The following PCDHA10 variants were observed in gnomAD, a reference collection of about 807,000 sequenced individuals.
The protein encoded by PCDHA10 is protocadherin alpha-10.
A neutral mutation model predicts 61.2 loss-of-function variants in PCDHA10; 45 were observed. The observed-to-expected ratio is 0.74, with a 90% CI of 0.58 to 0.94. The LOEUF (loss-of-function observed/expected upper bound fraction) is 0.94. PCDHA10 is among the 40% of genes least tolerant of loss of function. PCDHA10 has a pLI of 0.00. For missense variants in PCDHA10, 1,278 were observed against 1,236.2 expected, an observed-to-expected ratio of 1.03 and a Z score of -0.51; for synonymous variants, 602 against 548.8, an observed-to-expected ratio of 1.10 and a Z score of -1.35.
chr5:140,861,875 G>A (rs536316247), intron 1 of PCDHA10: 3 of 156,086 alleles, frequency 1.9e-5, no homozygotes, highest in African/African-American at 7.2e-5. Context: ...TGGGGGCGAA[G>A]CTGAGCTGAC....
rs1412430465 is a variant in PCDHA10 at position 141,010,516 on chromosome 5, A to C, written c.*579A>C. On this transcript the variant is annotated 3_prime_UTR_variant, in exon 4 of 4. Transcript: ENST00000307360. ...CCAGACTTTCTAAATCTTACAACTC[A>C]AGAGGTGGCAGCCACCCTCTAGGAG... 4.2e-6 allele frequency: 2 copies of C among 477,698 alleles called. No individual in the cohort carries two copies. The highest frequency in any genetic ancestry group is 7.8e-5 in the Admixed American group (2 of 25,754). The allele number at this position is 477,698 out of a possible 1,614,324, so 29.6% of individuals were successfully genotyped here.
At chr5:140,901,469 G>A (rs1056054450) in intron 1 of PCDHA10, among the ~76,000 whole-genome samples, 1 of 152,080 alleles carries the variant, frequency 6.6e-6, no homozygotes, top group African/African-American at 2.4e-5. Flanking sequence ...CTTTTCTCGA[G>A]TTTATGTTCT....
At chr5:140,936,681 T>G (rs781812048) in intron 1 of PCDHA10, among the ~76,000 whole-genome samples, 3 of 152,246 alleles carry the variant, frequency 2.0e-5, no homozygotes, top group African/African-American at 2.4e-5. Flanking sequence ...CTATTCTGTT[T>G]CATTGGTCAA....
intron 1 of PCDHA10, chr5:140,884,703 A>C: frequency 1.3e-6 from 2 of 1,495,534 alleles, no homozygotes; most frequent in Non-Finnish European, 1.8e-6. Flanking sequence ...TAAACACTTT[A>C]GCCTTCCTTG....
chr5:140,979,391 T>C (rs1298274291), intron 2 of PCDHA10, among the ~76,000 whole-genome samples: 1 of 152,202 alleles, frequency 6.6e-6, no homozygotes, highest in Non-Finnish European at 1.5e-5. Context: ...AATGTATACA[T>C]ACATGTTGTC....
chr5:140,935,921 C>G (rs1480748257), intron 1 of PCDHA10, among the ~76,000 whole-genome samples: 2 of 129,532 alleles, frequency 1.5e-5, no homozygotes, highest in African/African-American at 5.8e-5. Context: ...GAGACAGATT[C>G]TCATTCTGTT....
At chr5:140,901,930 C>G (rs902948893) in intron 1 of PCDHA10, among the ~76,000 whole-genome samples, 2 of 151,400 alleles carry the variant, frequency 1.3e-5, no homozygotes, top group Admixed American at 1.3e-4. Flanking sequence ...TTGGTTAATT[C>G]CTAGGTATAT....
chr5:141,010,188 T>G lies in PCDHA10; in HGVS notation c.*251T>G. 6.4e-7 allele frequency: 1 copy of G among 1,553,070 alleles called. No individual in the cohort carries two copies. On this transcript the variant is annotated 3_prime_UTR_variant, in exon 4 of 4. Coordinates refer to ENST00000307360, the MANE Select transcript of PCDHA10 (RefSeq NM_018901.4). ...CAGAACCTAAAAAGCAGACCCAAGT[T>G]TCCTTTCTCCTCCGCCGCAAAGGAG...
chr5:140,968,035 G>A, intron 1 of PCDHA10: 1 of 1,614,184 alleles, frequency 6.2e-7, no homozygotes, highest in South Asian at 1.1e-5. Flanking sequence ...CACTGGTGGT[G>A]AGCGGCCCAC....
At chr5:140,869,598 T>A in intron 1 of PCDHA10, 6 of 1,614,122 alleles carry the variant, frequency 3.7e-6, no homozygotes, top group Non-Finnish European at 5.1e-6. Context: ...TTGAAGAGAA[T>A]GCTCTATTGA....
chr5:140,856,597 C>CA lies in PCDHA10; in HGVS notation c.555dup (p.Asp186ArgfsTer17). ...AGTATTTTGTTCTTGATATTATAAA[C>CA]AAAAAAGACAAAGACAAATTCCCAG... On this transcript the variant is annotated frameshift_variant, in exon 1 of 4. Transcript: ENST00000307360. LOFTEE classifies it high-confidence loss of function. 2 of 1,597,412 alleles carry CA rather than the reference C, an allele frequency of 1.3e-6. No homozygotes were observed. The highest frequency in any genetic ancestry group is 1.7e-6 in the Non-Finnish European group (2 of 1,167,126).
intron 1 of PCDHA10, among the ~76,000 whole-genome samples, chr5:140,952,315 G>T (rs2094717881): frequency 6.8e-6 from 1 of 147,138 alleles, no homozygotes; most frequent in Non-Finnish European, 1.5e-5. Context: ...TCCAGCCTGG[G>T]CAACAAGAGT....
At chr5:140,888,048 A>G (rs534072281) in intron 1 of PCDHA10, among the ~76,000 whole-genome samples, 40 of 152,296 alleles carry the variant, frequency 2.6e-4, no homozygotes, top group African/African-American at 9.4e-4. Context: ...TGTATAATAG[A>G]TGTTTTAACT....
intron 1 of PCDHA10, among the ~76,000 whole-genome samples, chr5:140,972,660 ATTTTTTT>A (rs11350929): frequency 8.5e-6 from 1 of 117,268 alleles, no homozygotes; most frequent in Admixed American, 9.2e-5. Flanking sequence ...AAGAAACCAA[ATTTTTTT>A]TTTTTTTTTT....
Position 140,857,036 on chromosome 5 carries a change from G to T in PCDHA10, c.988G>T (p.Val330Phe), listed in dbSNP as rs1174179572. ...TACAGATAAGGGAAACCCACCTATG[G>T]TTGGTCACTGCACGGTCCTAGTGGA... ...DVTDKGNPPMVGHCTVLVELL... is the reference protein window; with the variant it reads ...DVTDKGNPPMFGHCTVLVELL... Residue 330 changes from valine to phenylalanine, a missense_variant, in exon 1 of 4, where the codon GTT becomes TTT. Coordinates refer to ENST00000307360, the MANE Select transcript of PCDHA10 (RefSeq NM_018901.4). 1 of 1,596,046 alleles carries T rather than the reference G, an allele frequency of 6.3e-7. No individual in the cohort carries two copies. The highest frequency in any genetic ancestry group is 8.6e-7 in the Non-Finnish European group (1 of 1,165,902).
Position 140,883,886 on chromosome 5 carries a change from T to G in PCDHA10, c.2388+25450T>G, listed in dbSNP as rs147704126. ...GCAGTTCCAGGTGAGCGCGCGCGAC[T>G]CTGGCGTGCCGCCTCTGGGCAGCAA... On this transcript the variant is annotated intron_variant, in intron 1 of 3. Transcript: ENST00000307360. The G allele has an allele frequency of 2.5e-5, 41 of 1,613,036 alleles. No homozygotes were observed. The African/African-American group carries it at 2.7e-4, about 11-fold the overall frequency.
rs374159724 is a variant in PCDHA10 at position 140,856,795 on chromosome 5, G to T, written c.747G>T (p.Lys249Asn). The T allele has an allele frequency of 2.1e-5, 34 of 1,595,942 alleles. 4 individuals are homozygous for T. Among genetic ancestry groups the T allele is most frequent in the Non-Finnish European group, 2.7e-5 (32 of 1,165,996 alleles). ...TTGACAGACCGGTTTATGAAGTTAA[G>T]ATGTATGAAAATCAAGTGAACCAAA... ...PIFDRPVYEVKMYENQVNQTL... is the reference protein window; with the variant it reads ...PIFDRPVYEVNMYENQVNQTL... Residue 249 changes from lysine (K) to asparagine (N), a missense_variant, in exon 1 of 4, where the codon AAG becomes AAT. Lys to Asn is a moderately conservative substitution (Grantham distance 94). Transcript: ENST00000307360.
At chr5:140,993,543 G>C (rs1263683239) in intron 3 of PCDHA10, among the ~76,000 whole-genome samples, 1 of 151,590 alleles carries the variant, frequency 6.6e-6, no homozygotes, top group Non-Finnish European at 1.5e-5. Context: ...GAGAGATAGA[G>C]AAGTGAAGTA....
chr5:140,914,426 A>G (rs1554196349), intron 1 of PCDHA10, among the ~76,000 whole-genome samples: 1 of 152,140 alleles, frequency 6.6e-6, no homozygotes, highest in African/African-American at 2.4e-5. Context: ...TTAGCAAGGA[A>G]TATCTTTTCC....
Sources: gnomAD v4.1 joint callset for allele counts (sites outside exome capture counted in the v4.1 genomes callset) on GRCh38, gnomAD v4.1.1 for gene constraint, MANE v1.5 for transcripts, NCBI Gene and HGNC (gene_info 2026-07-23, HGNC 2026-07-21) for gene names.